PLGRKT: variants seen among roughly 807,000 people sequenced by gnomAD.
PLGRKT encodes the protein plasminogen receptor (KT).
In PLGRKT, 22 loss-of-function variants were observed where a neutral mutation model predicts 18.5. The observed-to-expected ratio is 1.19, with a 90% CI of 0.85 to 1.70. The LOEUF is 1.70. PLGRKT is among the 40% of genes most tolerant of loss of function. The pLI is 0.00. For synonymous variants in PLGRKT, 72 were observed against 52.8 expected (o/e 1.36, Z -1.58); for missense variants, 235 against 174.4 (o/e 1.35, Z -1.96).
chr9:5,424,698 A>ACACACACACACACACAC, intron 3 of PLGRKT, among the ~76,000 whole-genome samples: 1 of 75,392 alleles, frequency 1.3e-5, no homozygotes, highest in African/African-American at 4.6e-5. Flanking sequence ...ATATACACAC[A>ACACACACACACACACAC]GGGGGGGGAG....
Position 5,369,445 on chromosome 9 carries a change from T to G in PLGRKT, c.82-7557A>C, listed in dbSNP as rs147705420. Among the ~76,000 whole-genome samples, 5 of 152,046 alleles carry G rather than the reference T, an allele frequency of 3.3e-5. No individual in the cohort carries two copies. In the East Asian group the frequency reaches 9.6e-4, roughly 29 times the overall value. On this transcript the variant is annotated intron_variant, in intron 3 of 5. Transcript: ENST00000223864. ...CATTAAAAAGTCAGGAAACAACAGATGGTGGAGAGGATGTGGAGAAATAGG... is the reference window on the plus strand; with the variant it reads ...CATTAAAAAGTCAGGAAACAACAGAGGGTGGAGAGGATGTGGAGAAATAGG...
intron 3 of PLGRKT, among the ~76,000 whole-genome samples, chr9:5,404,968 T>C (rs1362308546): frequency 6.6e-6 from 1 of 152,060 alleles, no homozygotes; most frequent in Non-Finnish European, 1.5e-5. Flanking sequence ...ATCACAAGCA[T>C]TCCTATATAC....
intron 3 of PLGRKT, 68 bp downstream of exon 3, chr9:5,431,829 C>A: frequency 1.3e-6 from 1 of 754,890 alleles, no homozygotes; most frequent in Admixed American, 2.1e-5. Flanking sequence ...GAATGTACGG[C>A]TGGAGTACAT....
intron 3 of PLGRKT, among the ~76,000 whole-genome samples, chr9:5,431,010 C>T (rs1409601003): frequency 1.3e-5 from 2 of 152,202 alleles, no homozygotes; most frequent in Non-Finnish European, 2.9e-5. Flanking sequence ...AAGTCTGTGG[C>T]TTAAAACAAC....
chr9:5,360,314 G>A (rs898090375), intron 5 of PLGRKT, among the ~76,000 whole-genome samples: 3 of 152,108 alleles, frequency 2.0e-5, no homozygotes, highest in African/African-American at 7.2e-5. Flanking sequence ...TAGACCATAG[G>A]TTGGCAAACT....
intron 2 of PLGRKT, among the ~76,000 whole-genome samples, chr9:5,434,883 G>C (rs1259405313): frequency 2.0e-5 from 3 of 152,082 alleles, no homozygotes; most frequent in African/African-American, 7.2e-5. Flanking sequence ...AGAAAAGGGG[G>C]AAATGTGGGG....
At chr9:5,390,523 C>T (rs1357063665) in intron 3 of PLGRKT, among the ~76,000 whole-genome samples, 1 of 151,848 alleles carries the variant, frequency 6.6e-6, no homozygotes, top group Non-Finnish European at 1.5e-5. Flanking sequence ...ACATCATTCT[C>T]ACCTTTCCTC....
At chr9:5,435,107 T>G (rs1194325598) in intron 2 of PLGRKT, among the ~76,000 whole-genome samples, 1 of 151,964 alleles carries the variant, frequency 6.6e-6, no homozygotes, top group Non-Finnish European at 1.5e-5. Flanking sequence ...GTTAAACAGA[T>G]GCTTGAAGAC....
chr9:5,401,940 C>G (rs529742957), intron 3 of PLGRKT, among the ~76,000 whole-genome samples: 1 of 151,930 alleles, frequency 6.6e-6, no homozygotes, highest in East Asian at 1.9e-4. Context: ...AGACACTTGT[C>G]TCATGTTTAG....
At chr9:5,361,997 G>C in intron 3 of PLGRKT, 109 bp from the exon 4 acceptor site, 3 of 1,090,864 alleles carry the variant, frequency 2.8e-6, no homozygotes, top group Non-Finnish European at 4.0e-6. Flanking sequence ...TTTAATTCAT[G>C]TTTTTTCAAA....
chr9:5,410,454 G>A (rs1011057086), intron 3 of PLGRKT, among the ~76,000 whole-genome samples: 12 of 149,842 alleles, frequency 8.0e-5, no homozygotes, highest in Non-Finnish European at 1.2e-4. Context: ...GGCCAAGATC[G>A]TGCCACTGCA....
At chr9:5,392,461 A>G (rs1242942172) in intron 3 of PLGRKT, 1 of 152,002 alleles carries the variant, frequency 6.6e-6, no homozygotes, top group Non-Finnish European at 1.5e-5. Flanking sequence ...CAAATTGCTT[A>G]AGGCTAACTC....
chr9:5,374,247 C>A (rs1817584060), intron 3 of PLGRKT, among the ~76,000 whole-genome samples: 1 of 152,204 alleles, frequency 6.6e-6, no homozygotes, highest in African/African-American at 2.4e-5. Flanking sequence ...CCAGTTCAGA[C>A]CATCATTACC....
At chr9:5,372,189 C>T (rs1817534393) in intron 3 of PLGRKT, among the ~76,000 whole-genome samples, 2 of 151,796 alleles carry the variant, frequency 1.3e-5, no homozygotes, top group African/African-American at 4.8e-5. Context: ...CCATGTTGGC[C>T]AGGATAGTCT....
intron 2 of PLGRKT, among the ~76,000 whole-genome samples, chr9:5,434,328 G>C (rs150772610): frequency 0.031 from 3,926 of 125,512 alleles, 93 homozygotes; most frequent in Non-Finnish European, 0.05. Context: ...GCCTCTGCCT[G>C]GCCACCCCGT....
At chr9:5,391,453 T>A (rs532576029) in intron 3 of PLGRKT, among the ~76,000 whole-genome samples, 9 of 152,118 alleles carry the variant, frequency 5.9e-5, no homozygotes, top group African/African-American at 2.2e-4. Context: ...GAAAATTCCA[T>A]AAAATTAGTT....
intron 3 of PLGRKT, among the ~76,000 whole-genome samples, chr9:5,366,203 G>A (rs10975073): frequency 0.24 from 36,857 of 151,966 alleles, 4,743 homozygotes; most frequent in African/African-American, 0.32. Context: ...TAATGCAATT[G>A]TTAACTTACC....
intron 2 of PLGRKT, among the ~76,000 whole-genome samples, chr9:5,434,641 T>C (rs1373739248): frequency 1.4e-5 from 2 of 147,534 alleles, no homozygotes; most frequent in East Asian, 2.1e-4. Flanking sequence ...CCACCCATCA[T>C]CTGGGATGTG....
intron 3 of PLGRKT, among the ~76,000 whole-genome samples, chr9:5,398,998 T>C (rs543047407): frequency 4.0e-5 from 6 of 151,578 alleles, no homozygotes; most frequent in African/African-American, 1.2e-4. Flanking sequence ...TACTCATAGA[T>C]AACTTTTTCT....
Sources: allele counts gnomAD v4.1 joint callset (sites outside exome capture counted in the v4.1 genomes callset), GRCh38; gene constraint gnomAD v4.1.1; transcripts MANE v1.5; gene names NCBI Gene and HGNC (gene_info 2026-07-23, HGNC 2026-07-21).